Variants in DNAJC6 observed in about 807,000 individuals in gnomAD.
The protein encoded by DNAJC6 is auxilin.
In DNAJC6, 34 loss-of-function variants were observed where a neutral mutation model predicts 110.0. The ratio of observed to expected loss-of-function variants is 0.31; its 90% CI spans 0.24 to 0.41. The LOEUF is 0.41. Ranked by LOEUF, DNAJC6 falls within the 10% of genes least tolerant of loss-of-function variation. DNAJC6 has a pLI of 1.00. For synonymous variants in DNAJC6, 406 were observed against 437.2 expected (o/e 0.93, Z 0.89); for missense variants, 1,031 against 1,207.8 (o/e 0.85, Z 2.17).
intron 1 of DNAJC6, among the ~76,000 whole-genome samples, chr1:65,338,549 A>G (rs557867442): frequency 1.3e-5 from 2 of 152,302 alleles, no homozygotes; most frequent in East Asian, 1.9e-4. Flanking sequence ...GTAATTATAT[A>G]GAATATTTAC....
At chr1:65,399,552 G>A (rs991431937) in intron 14 of DNAJC6, among the ~76,000 whole-genome samples, 9 of 152,036 alleles carry the variant, frequency 5.9e-5, no homozygotes, top group African/African-American at 1.2e-4. Flanking sequence ...TCCCCACAAC[G>A]TAACATTTAC....
At chr1:65,348,450 G>T (rs567767344) in intron 1 of DNAJC6, among the ~76,000 whole-genome samples, 1 of 152,096 alleles carries the variant, frequency 6.6e-6, no homozygotes, top group East Asian at 1.9e-4. Flanking sequence ...GTTCATTTTT[G>T]CTTCATATAC....
intron 5 of DNAJC6, among the ~76,000 whole-genome samples, chr1:65,383,777 C>T (rs1412679193): frequency 6.6e-6 from 1 of 152,156 alleles, no homozygotes; most frequent in Non-Finnish European, 1.5e-5. Flanking sequence ...TTATTTTATA[C>T]GAATCTAGGA....
chr1:65,389,613 C>T lies in DNAJC6; in HGVS notation c.1454C>T (p.Ser485Phe). Residue 485 changes from serine (S) to phenylalanine (F), a missense_variant, in exon 11 of 19, where the codon TCT becomes TTT. By Grantham distance (155) the Ser-to-Phe change is radical (BLOSUM62 -2). Coordinates refer to ENST00000371069, the MANE Select transcript of DNAJC6 (RefSeq NM_001256864.2). Reference sequence around the variant, plus strand: ...TACGGACAAAGTGGTTTCTTTGCCTCTCTCTGTTGGCAAGGTATTTACAAG... The same window carrying T: ...TACGGACAAAGTGGTTTCTTTGCCTTTCTCTGTTGGCAAGGTATTTACAAG... ...RHYGQSGFFA[S>F]LCWQDQKSEK... 1 of 1,614,102 alleles carries T rather than the reference C, an allele frequency of 6.2e-7. No individual in the cohort carries two copies. Among genetic ancestry groups the T allele is most frequent in the South Asian group, 1.1e-5 (1 of 91,084 alleles).
chr1:65,272,370 T>G (rs1047582145), intron 1 of DNAJC6, among the ~76,000 whole-genome samples: 1 of 152,246 alleles, frequency 6.6e-6, no homozygotes, highest in Non-Finnish European at 1.5e-5. Context: ...TTAAACCAAC[T>G]TTGCACTTTT....
At position 65,355,867 on chromosome 1, in the gene DNAJC6, A is replaced by G. The variant is rs566869125; in HGVS notation, c.194-8768A>G. Among the ~76,000 whole-genome samples, 4 of 149,492 alleles carry G rather than the reference A, an allele frequency of 2.7e-5. No individual in the cohort carries two copies. The East Asian group carries it at 7.9e-4, about 29-fold the overall frequency. ...TCCAGTCTGGCTTTGTTAACCCTGA[A>G]ATGGAACAGCATGGCTTTTTTTTTT... On this transcript the variant is annotated intron_variant, in intron 1 of 18. Transcript: ENST00000371069.
intron 9 of DNAJC6, 30 bp from the exon 10 acceptor site, chr1:65,389,226 T>C: frequency 6.3e-7 from 1 of 1,593,662 alleles, no homozygotes; most frequent in Non-Finnish European, 8.6e-7. Flanking sequence ...TGTTTTTCAC[T>C]GAATTTATCT....
At position 65,388,334 on chromosome 1, in the gene DNAJC6, A is replaced by G; in HGVS notation, c.1114-2A>G. The stretch of plus-strand genomic sequence containing the variant: ...TAATGTGCTTCTCTCATGTATTTTT[A>G]GGTGACCAACACACAGATATTCCAG... On this transcript the variant is annotated splice_acceptor_variant, in intron 8 of 18. Transcript: ENST00000371069. LOFTEE classifies it high-confidence loss of function. The G allele has an allele frequency of 6.2e-7, 1 of 1,613,072 alleles. No homozygotes were observed. Among genetic ancestry groups the G allele is most frequent in the Non-Finnish European group, 8.5e-7 (1 of 1,179,202 alleles).
intron 1 of DNAJC6, among the ~76,000 whole-genome samples, chr1:65,354,336 C>T (rs1216349793): frequency 6.6e-6 from 1 of 152,160 alleles, no homozygotes. Flanking sequence ...GTGACTGTTA[C>T]TAAACTTCAC....
chr1:65,383,025 A>T (rs1161225779), intron 5 of DNAJC6, among the ~76,000 whole-genome samples: 2 of 152,218 alleles, frequency 1.3e-5, no homozygotes, highest in African/African-American at 4.8e-5. Context: ...TTTTGTTCTC[A>T]CAAAAGGATG....
intron 1 of DNAJC6, among the ~76,000 whole-genome samples, chr1:65,360,661 G>T (rs1645588607): frequency 1.3e-5 from 2 of 152,142 alleles, no homozygotes; most frequent in Admixed American, 1.3e-4. Context: ...GTGTTTACAG[G>T]GAAATAATGT....
chr1:65,389,159 T>G, intron 9 of DNAJC6, 97 bp from the exon 10 acceptor site: 1 of 1,146,862 alleles, frequency 8.7e-7, no homozygotes, highest in Non-Finnish European at 1.2e-6. Context: ...GAGACTTAGA[T>G]TTAACCTAAG....
At chr1:65,410,220 T>C (rs1646115639) in intron 17 of DNAJC6, among the ~76,000 whole-genome samples, 1 of 152,226 alleles carries the variant, frequency 6.6e-6, no homozygotes, top group South Asian at 2.1e-4. Flanking sequence ...AAGTCAATCT[T>C]AACACATTCT....
intron 1 of DNAJC6, 124 bp downstream of exon 1, chr1:65,310,062 C>T (rs1484533147): frequency 1.7e-6 from 2 of 1,171,450 alleles, no homozygotes; most frequent in Middle Eastern, 3.0e-4. Context: ...GGGCTGGAGG[C>T]GAAGGCTTCT....
At chr1:65,306,076 A>ATTT (rs35897124), upstream of DNAJC6, among the ~76,000 whole-genome samples, 16 of 135,234 alleles carry the variant, frequency 1.2e-4, no homozygotes, top group African/African-American at 3.8e-4. Flanking sequence ...GGCAACTTCA[A>ATTT]TTTTTTTTTT....
chr1:65,266,961 A>G (rs995010187), intron 1 of DNAJC6, among the ~76,000 whole-genome samples: 60 of 149,274 alleles, frequency 4.0e-4, no homozygotes, highest in Non-Finnish European at 1.3e-4. Context: ...CAATGGTGCG[A>G]TCTCGGCCCA....
intron 5 of DNAJC6, 151 bp from the exon 6 acceptor site, chr1:65,384,042 G>A (rs1437813302): frequency 2.3e-6 from 2 of 856,044 alleles, no homozygotes; most frequent in Non-Finnish European, 3.2e-6. Context: ...AACAAATTTT[G>A]GTTTTCAAGT....
chr1:65,407,182 C>T (rs977597316), intron 16 of DNAJC6, among the ~76,000 whole-genome samples: 2 of 152,138 alleles, frequency 1.3e-5, no homozygotes, highest in Non-Finnish European at 2.9e-5. Context: ...TGAAGCATCC[C>T]TCTGTCTAGC....
In DNAJC6 at chr1:65,384,180, T is replaced by G; in HGVS notation, c.667-13T>G. On this transcript the variant is annotated splice_polypyrimidine_tract_variant and intron_variant, in intron 5 of 18. Coordinates refer to ENST00000371069, the MANE Select transcript of DNAJC6 (RefSeq NM_001256864.2). ...ATCATGTTCATAATGATTTTATGCA[T>G]TTTCTTTGACAGGATGGACGGGCGG... The G allele has an allele frequency of 6.8e-7, 1 of 1,466,852 alleles. No homozygotes were observed. Among genetic ancestry groups the G allele is most frequent in the Non-Finnish European group, 9.0e-7 (1 of 1,107,624 alleles). The allele number at this position is 1,466,852 out of a possible 1,614,324, so 90.9% of individuals were successfully genotyped here. A position where few individuals can be genotyped will look rare whatever the true frequency, so the allele number is the denominator to read the frequency against.
Sources: gnomAD v4.1 joint callset for allele counts (sites outside exome capture counted in the v4.1 genomes callset) on GRCh38, gnomAD v4.1.1 for gene constraint, MANE v1.5 for transcripts, NCBI Gene and HGNC (gene_info 2026-07-23, HGNC 2026-07-21) for gene names.